The following ARHGAP26 variants were observed in gnomAD, a reference collection of about 807,000 sequenced individuals.
ARHGAP26 encodes the protein rho GTPase-activating protein 26.
Under a neutral mutation model 104.8 loss-of-function variants are expected in ARHGAP26, and 38 were observed. The observed-to-expected ratio is 0.36, with a 90% CI of 0.28 to 0.48. The LOEUF (loss-of-function observed/expected upper bound fraction) is 0.48, where lower values mean the gene tolerates loss of function less well. Among genes scored for constraint, ARHGAP26 ranks in the 20% least tolerant of loss-of-function variants. ARHGAP26 has a pLI of 0.99. For missense variants in ARHGAP26, 704 were observed against 947.9 expected (o/e 0.74, Z 3.38); for synonymous variants, 341 against 340.0 (o/e 1.00, Z -0.03).
intron 21 of ARHGAP26, among the ~76,000 whole-genome samples, chr5:143,212,121 C>T (rs1022825582): frequency 1.3e-5 from 2 of 152,078 alleles, no homozygotes; most frequent in African/African-American, 4.8e-5. Context: ...CTTTTAGTCC[C>T]CCTTCCCTGG....
At chr5:143,208,154 G>T (rs190754556) in intron 21 of ARHGAP26, among the ~76,000 whole-genome samples, 1 of 151,720 alleles carries the variant, frequency 6.6e-6, no homozygotes, top group Non-Finnish European at 1.5e-5. Context: ...TGTGACTTCC[G>T]CACTTAAGTT....
At chr5:142,794,484 T>G (rs1760552860) in intron 1 of ARHGAP26, among the ~76,000 whole-genome samples, 1 of 152,206 alleles carries the variant, frequency 6.6e-6, no homozygotes, top group Non-Finnish European at 1.5e-5. Context: ...TATAGCATGG[T>G]TGTTACCCAC....
chr5:143,183,958 T>C (rs1298303191), intron 20 of ARHGAP26, among the ~76,000 whole-genome samples: 1 of 152,192 alleles, frequency 6.6e-6, no homozygotes, highest in Non-Finnish European at 1.5e-5. Context: ...CCTTCTTTCC[T>C]CTCCTCATGG....
At chr5:143,034,507 G>A (rs147460297) in intron 12 of ARHGAP26, among the ~76,000 whole-genome samples, 138 of 152,264 alleles carry the variant, frequency 9.1e-4, no homozygotes, top group African/African-American at 2.9e-3. Flanking sequence ...AGACCGCATC[G>A]TGTATGATTC....
intron 14 of ARHGAP26, among the ~76,000 whole-genome samples, chr5:143,046,880 G>A (rs980670212): frequency 1.3e-5 from 2 of 152,108 alleles, no homozygotes; most frequent in African/African-American, 2.4e-5. Context: ...CTATATACTA[G>A]AGTTAACCTT....
Position 142,903,438 on chromosome 5 carries a change from T to A in ARHGAP26, c.703-102T>A, listed in dbSNP as rs1598167256. The A allele has an allele frequency of 2.3e-6, 3 of 1,325,382 alleles. No homozygotes were observed. In the East Asian group the frequency reaches 7.4e-5, roughly 33 times the overall value. The allele number at this position is 1,325,382 out of a possible 1,614,324, so 82.1% of individuals were successfully genotyped here. ...TGGCCAGTTCCTGGAAGGTTGAATG[T>A]CCTTTATCTCATTTTAGATCTAAGG... is the stretch of plus-strand genomic sequence containing the variant. On this transcript the variant is annotated intron_variant, in intron 7 of 22. Coordinates refer to ENST00000645722, the MANE Select transcript of ARHGAP26 (RefSeq NM_001135608.3).
chr5:143,117,279 C>T (rs763428777), intron 17 of ARHGAP26, among the ~76,000 whole-genome samples: 6 of 152,184 alleles, frequency 3.9e-5, no homozygotes, highest in African/African-American at 9.7e-5. Context: ...TCTGCTGGAC[C>T]GGCTCCGCAG....
chr5:143,025,671 T>G (rs141627550), intron 12 of ARHGAP26, among the ~76,000 whole-genome samples: 1 of 152,194 alleles, frequency 6.6e-6, no homozygotes, highest in Non-Finnish European at 1.5e-5. Context: ...GATTTGGAAT[T>G]TTAAGGTGGA....
At chr5:142,773,827 A>G (rs1347828200) in intron 1 of ARHGAP26, among the ~76,000 whole-genome samples, 1 of 152,206 alleles carries the variant, frequency 6.6e-6, no homozygotes, top group Non-Finnish European at 1.5e-5. Context: ...CAGAGAGGCC[A>G]AAAACCTGTT....
chr5:143,078,053 C>G (rs1394513164), intron 17 of ARHGAP26, among the ~76,000 whole-genome samples: 1 of 152,184 alleles, frequency 6.6e-6, no homozygotes, highest in Middle Eastern at 3.2e-3. Context: ...TATTTTCTCA[C>G]CTTCTGTGAG....
intron 20 of ARHGAP26, among the ~76,000 whole-genome samples, chr5:143,163,488 T>A (rs1298871014): frequency 6.6e-6 from 1 of 151,990 alleles, no homozygotes; most frequent in African/African-American, 2.4e-5. Flanking sequence ...TCTTGCTCTG[T>A]TGCCCAGGCT....
rs1173896988 is a variant in ARHGAP26, at chr5:142,885,238, G to A, written c.385-60G>A. ...AGCAGAAGGATCTTGAGAGATGGAG[G>A]CTGCTTTTATTCCTGCAACGTGTTA... On this transcript the variant is annotated intron_variant, in intron 4 of 22. Transcript: ENST00000645722. The A allele has an allele frequency of 3.6e-6, 5 of 1,393,784 alleles. No individual in the cohort carries two copies. In the East Asian group the frequency reaches 9.3e-5, roughly 26 times the overall value. 86.3% of individuals were successfully genotyped at this position (1,393,784 alleles called of 1,614,324 possible).
In ARHGAP26 at chr5:143,015,264, T is replaced by C. The variant is rs1397667446; in HGVS notation, c.1144+1148T>C. On this transcript the variant is annotated intron_variant, in intron 12 of 22. Coordinates refer to ENST00000645722, the MANE Select transcript of ARHGAP26 (RefSeq NM_001135608.3). ...ATTAGGTAAGATTGTTTTAGAACAC[T>C]TGAAGTCAACTCTGACTAACTGAGG... 2.6e-5 allele frequency among the ~76,000 whole-genome samples: 4 copies of C among 152,282 alleles called. No homozygotes were observed. The East Asian group carries it at 7.7e-4, about 29-fold the overall frequency.
At chr5:142,970,559 C>A (rs1334542787) in intron 11 of ARHGAP26, among the ~76,000 whole-genome samples, 1 of 152,162 alleles carries the variant, frequency 6.6e-6, no homozygotes, top group Non-Finnish European at 1.5e-5. Context: ...CCTATTGTTC[C>A]AATAGAAGTC....
At chr5:142,951,524 G>T (rs1159581005) in intron 11 of ARHGAP26, among the ~76,000 whole-genome samples, 2 of 152,148 alleles carry the variant, frequency 1.3e-5, no homozygotes, top group Non-Finnish European at 2.9e-5. Flanking sequence ...TTTGGGCTGG[G>T]GTCTAATCTA....
chr5:143,012,548 C>CGTATAT (rs1554195583), intron 11 of ARHGAP26, among the ~76,000 whole-genome samples: 1 of 23,352 alleles, frequency 4.3e-5, no homozygotes, highest in Non-Finnish European at 1.1e-4. Flanking sequence ...TATATACATA[C>CGTATAT]ATACATATAT....
chr5:142,901,756 G>C (rs1001270129), intron 6 of ARHGAP26, among the ~76,000 whole-genome samples, 179 bp from the exon 7 acceptor site: 1 of 152,196 alleles, frequency 6.6e-6, no homozygotes, highest in African/African-American at 2.4e-5. Flanking sequence ...GATGTTGTGA[G>C]TACTCACCCA....
At chr5:142,844,639 G>C (rs1231307497) in intron 1 of ARHGAP26, among the ~76,000 whole-genome samples, 1 of 149,990 alleles carries the variant, frequency 6.7e-6, no homozygotes, top group Non-Finnish European at 1.5e-5. Flanking sequence ...CCAAGGCGGT[G>C]GATCACCTGA....
intron 22 of ARHGAP26, among the ~76,000 whole-genome samples, chr5:143,214,646 A>C (rs1259876479): frequency 6.6e-6 from 1 of 152,234 alleles, no homozygotes; most frequent in African/African-American, 2.4e-5. Context: ...CCTGGGGACC[A>C]GCCCTTGACT....
Sources: gnomAD v4.1 joint callset for allele counts (sites outside exome capture counted in the v4.1 genomes callset) on GRCh38, gnomAD v4.1.1 for gene constraint, MANE v1.5 for transcripts, NCBI Gene and HGNC (gene_info 2026-07-23, HGNC 2026-07-21) for gene names.